Variants in NPAS3 observed in about 807,000 individuals in gnomAD.
NPAS3 encodes neuronal PAS domain-containing protein 3.
In NPAS3, 14 loss-of-function variants were observed where a neutral mutation model predicts 73.1. That is an observed-to-expected ratio of 0.19 (90% CI 0.13 to 0.30). NPAS3 has a LOEUF of 0.30. NPAS3 is among the 10% of genes least tolerant of loss of function. NPAS3 has a pLI of 1.00. For missense variants in NPAS3, 1,096 were observed against 1,250.0 expected, an observed-to-expected ratio of 0.88 and a Z score of 1.86; for synonymous variants, 620 against 541.5, an observed-to-expected ratio of 1.14 and a Z score of -2.01.
At chr14:33,152,532 TG>T (rs2044487079) in intron 2 of NPAS3, among the ~76,000 whole-genome samples, 1 of 152,156 alleles carries the variant, frequency 6.6e-6, no homozygotes, top group South Asian at 2.1e-4. Context: ...GGTAGTTTGC[TG>T]GGAAAGGGTA....
At chr14:32,974,439 T>C (rs559103614) in intron 1 of NPAS3, among the ~76,000 whole-genome samples, 1 of 152,322 alleles carries the variant, frequency 6.6e-6, no homozygotes, top group African/African-American at 2.4e-5. Context: ...GATATCTGAA[T>C]TTGAATTTGG....
chr14:33,422,227 G>T lies in NPAS3; in HGVS notation c.468+54959G>T, dbSNP rs1377218002. Among the ~76,000 whole-genome samples, 7 of 151,948 alleles carry T rather than the reference G, an allele frequency of 4.6e-5. No individual in the cohort carries two copies. In the South Asian group the frequency reaches 1.0e-3, roughly 22 times the overall value. On this transcript the variant is annotated intron_variant, in intron 4 of 11. Transcript: ENST00000356141. ...ATAACATTTTGAGATTCTCATCTGA[G>T]AGTTGATGGGGAAATATCAAATAGT...
At chr14:32,938,457 A>AAGAGAGAGAG (rs139406191), upstream of NPAS3, among the ~76,000 whole-genome samples, 280 of 68,666 alleles carry the variant, frequency 4.1e-3, 7 homozygotes, top group African/African-American at 0.018. Flanking sequence ...CCCAACGAGA[A>AAGAGAGAGAG]AGAGAGAGAG....
chr14:33,800,098 C>T lies in NPAS3; in HGVS notation c.1791C>T (p.His597=), dbSNP rs760726484. ...CGGGCGCGCAGGCCTCCAGCAAGCA[C>T]CAGAAGCGCAAGAAAAGGCGGAAAC... Residue 597 remains histidine (H), a synonymous_variant, in exon 12 of 12, where the codon CAC becomes CAT. Coordinates refer to ENST00000356141, the Ensembl canonical transcript of NPAS3. This position sits in a 1 kb window ranked among gnomAD's most constrained non-coding sequence, Gnocchi z 6.5. 3.1e-6 allele frequency: 5 copies of T among 1,589,448 alleles called. No homozygotes were observed. In the East Asian group the frequency reaches 9.1e-5, roughly 29 times the overall value.
In NPAS3 at chr14:33,636,014, C is replaced by T. The variant is rs112153842; in HGVS notation, c.559-40197C>T. On this transcript the variant is annotated intron_variant, in intron 5 of 11. Coordinates refer to ENST00000356141, the Ensembl canonical transcript of NPAS3. ...GGCTGGAGTGCAATGGCACGATCTC[C>T]GCCTCCCAGCGATTCTCCTGCTTAG... Among the ~76,000 whole-genome samples the T allele has an allele frequency of 4.6e-3, 706 of 152,250 alleles. 1 individual carries two copies. Among genetic ancestry groups the T allele is most frequent in the African/African-American group, 0.01 (417 of 41,544 alleles).
At chr14:33,238,032 A>C (rs1168054152) in intron 3 of NPAS3, among the ~76,000 whole-genome samples, 1 of 152,016 alleles carries the variant, frequency 6.6e-6, no homozygotes, top group Non-Finnish European at 1.5e-5. Context: ...TATTTAAAAA[A>C]TTAAAACATT....
intron 1 of NPAS3, among the ~76,000 whole-genome samples, chr14:32,969,937 CATTACTA>C (rs1227554669): frequency 1.3e-5 from 2 of 152,128 alleles, no homozygotes; most frequent in Non-Finnish European, 2.9e-5. Context: ...AAGAAAACCA[CATTACTA>C]ATTACTGAAA....
rs6571580 is a variant in NPAS3, at chr14:33,080,731, G to C, written c.140+24737G>C. ...TAACATGATCAGGAGATGCCAGAGA[G>C]CATTGTTGCGTGAAGTGTGAGTGAC... On this transcript the variant is annotated intron_variant, in intron 2 of 11. Coordinates refer to ENST00000356141, the Ensembl canonical transcript of NPAS3. 2.6e-4 allele frequency among the ~76,000 whole-genome samples: 39 copies of C among 152,168 alleles called. No homozygotes were observed. In the East Asian group the frequency reaches 7.5e-3, roughly 29 times the overall value.
intron 4 of NPAS3, among the ~76,000 whole-genome samples, chr14:33,384,220 T>C (rs1232252711): frequency 6.6e-6 from 1 of 152,192 alleles, no homozygotes; most frequent in South Asian, 2.1e-4. Flanking sequence ...TATTTTAAAA[T>C]GAAGGCAACA....
At chr14:33,270,993 G>A (rs1329227249) in intron 3 of NPAS3, among the ~76,000 whole-genome samples, 1 of 152,186 alleles carries the variant, frequency 6.6e-6, no homozygotes, top group African/African-American at 2.4e-5. Context: ...AGGATAAAAA[G>A]CATAGAAATT....
intron 5 of NPAS3, among the ~76,000 whole-genome samples, chr14:33,596,204 C>T (rs2057238352): frequency 6.6e-6 from 1 of 152,194 alleles, no homozygotes; most frequent in African/African-American, 2.4e-5. Context: ...GCTTGCAGCC[C>T]ATAAATATTG....
chr14:33,519,750 A>C (rs965718), intron 4 of NPAS3, among the ~76,000 whole-genome samples: 3 of 151,558 alleles, frequency 2.0e-5, no homozygotes, highest in Non-Finnish European at 2.9e-5. Context: ...ACACGTTCAC[A>C]TTCCTAGTCA....
At chr14:33,042,883 G>A (rs2040389875) in intron 1 of NPAS3, among the ~76,000 whole-genome samples, 1 of 152,032 alleles carries the variant, frequency 6.6e-6, no homozygotes, top group Non-Finnish European at 1.5e-5. Flanking sequence ...TTTATAGAGA[G>A]CCATTTTTTT....
At chr14:33,332,718 C>A (rs2140281778) in intron 3 of NPAS3, among the ~76,000 whole-genome samples, 1 of 152,230 alleles carries the variant, frequency 6.6e-6, no homozygotes, top group Non-Finnish European at 1.5e-5. Flanking sequence ...CTATGTGCAC[C>A]CATATGGCTG....
At chr14:33,677,746 G>T (rs143252487) in intron 6 of NPAS3, among the ~76,000 whole-genome samples, 52 of 152,258 alleles carry the variant, frequency 3.4e-4, no homozygotes, top group African/African-American at 1.2e-3. Context: ...TCCTTCTTCA[G>T]TGAGCCCCAC....
intron 5 of NPAS3, among the ~76,000 whole-genome samples, chr14:33,602,821 G>A (rs184843431): frequency 5.3e-5 from 8 of 152,244 alleles, no homozygotes; most frequent in African/African-American, 1.9e-4. Context: ...GGAATAATTA[G>A]CCCTGGTCTG....
At chr14:33,131,508 C>G (rs980773038) in intron 2 of NPAS3, among the ~76,000 whole-genome samples, 15 of 152,030 alleles carry the variant, frequency 9.9e-5, no homozygotes, top group African/African-American at 1.7e-4. Context: ...TTTACATGTA[C>G]AGTATTTAAT....
At chr14:33,730,032 C>T (rs1351436943) in intron 6 of NPAS3, among the ~76,000 whole-genome samples, 1 of 152,050 alleles carries the variant, frequency 6.6e-6, no homozygotes, top group African/African-American at 2.4e-5. Context: ...TATATACAGA[C>T]ATACACACAT....
chr14:33,574,599 G>A (rs148130216), intron 5 of NPAS3, among the ~76,000 whole-genome samples: 1 of 151,984 alleles, frequency 6.6e-6, no homozygotes, highest in Non-Finnish European at 1.5e-5. Flanking sequence ...AGGGACCAAG[G>A]GGAGGGTGAA....
Sources: gnomAD v4.1 joint callset for allele counts (sites outside exome capture counted in the v4.1 genomes callset) on GRCh38, gnomAD v4.1.1 for gene constraint, Gnocchi (gnomAD v3.1) non-coding constraint, MANE v1.5 for transcripts, NCBI Gene and HGNC (gene_info 2026-07-23, HGNC 2026-07-21) for gene names.